Variants in TBCEL observed in about 807,000 individuals in gnomAD.
TBCEL encodes tubulin-specific chaperone cofactor E-like protein.
TBCEL carries 15 observed loss-of-function variants against 44.2 expected under a neutral mutation model. That is an observed-to-expected ratio of 0.34 (90% CI 0.23 to 0.52). The LOEUF is 0.52. Ranked by LOEUF, TBCEL falls within the 20% of genes least tolerant of loss-of-function variation. The pLI, the probability that TBCEL is intolerant of heterozygous loss-of-function variation, is 0.95. For synonymous variants in TBCEL, 171 were observed against 185.4 expected, an observed-to-expected ratio of 0.92 and a Z score of 0.63; for missense variants, 319 against 506.3, an observed-to-expected ratio of 0.63 and a Z score of 3.55.
chr11:121,075,717 G>A (rs981943892), intron 8 of TBCEL, among the ~76,000 whole-genome samples: 3 of 151,822 alleles, frequency 2.0e-5, no homozygotes, highest in South Asian at 4.2e-4. Context: ...TTACACCTAA[G>A]TACAGTCATG....
intron 2 of TBCEL, among the ~76,000 whole-genome samples, chr11:121,045,116 C>G (rs1945405982): frequency 1.3e-5 from 2 of 152,114 alleles, no homozygotes; most frequent in Admixed American, 1.3e-4. Context: ...GTGGCACACT[C>G]TGGTCATCTT....
chr11:121,026,057 A>G (rs960185212), intron 1 of TBCEL, among the ~76,000 whole-genome samples: 1 of 152,184 alleles, frequency 6.6e-6, no homozygotes, highest in Non-Finnish European at 1.5e-5. Context: ...TGCTATTTAA[A>G]AACATCCCAA....
chr11:121,062,081 A>AT (rs569486415), intron 8 of TBCEL, among the ~76,000 whole-genome samples: 29 of 150,208 alleles, frequency 1.9e-4, no homozygotes, highest in Admixed American at 8.0e-4. Flanking sequence ...TACTTTTTAA[A>AT]TTTTTTTTTT....
intron 4 of TBCEL, among the ~76,000 whole-genome samples, chr11:121,052,465 G>A (rs1383391726): frequency 1.3e-5 from 2 of 151,748 alleles, no homozygotes; most frequent in Non-Finnish European, 2.9e-5. Context: ...GGAAGTGTTG[G>A]AACCTCGTTT....
At chr11:121,055,344 T>G in intron 6 of TBCEL, 36 bp downstream of exon 6, 1 of 1,539,574 alleles carries the variant, frequency 6.5e-7, no homozygotes, top group Non-Finnish European at 8.8e-7. Flanking sequence ...TACATGCAAA[T>G]TAACCTGAGC....
intron 8 of TBCEL, among the ~76,000 whole-genome samples, chr11:121,069,037 A>G (rs558291325): frequency 3.3e-5 from 5 of 152,060 alleles, no homozygotes; most frequent in Non-Finnish European, 7.4e-5. Context: ...CTGACACCTT[A>G]TCCGAGATTC....
At chr11:121,068,873 C>A (rs2134985399) in intron 8 of TBCEL, among the ~76,000 whole-genome samples, 2 of 146,402 alleles carry the variant, frequency 1.4e-5, no homozygotes, top group Middle Eastern at 3.6e-3. Flanking sequence ...GGTGACAGAG[C>A]AAGGCTCCGT....
intron 1 of TBCEL, among the ~76,000 whole-genome samples, chr11:121,026,229 T>G (rs1945043734): frequency 6.6e-6 from 1 of 152,226 alleles, no homozygotes; most frequent in Non-Finnish European, 1.5e-5. Context: ...TAAGTATAAC[T>G]TTCAATCAGT....
At chr11:121,073,132 C>T (rs1274486761) in intron 8 of TBCEL, among the ~76,000 whole-genome samples, 2 of 151,752 alleles carry the variant, frequency 1.3e-5, no homozygotes, top group Non-Finnish European at 2.9e-5. Context: ...TATTGTAGGC[C>T]CTTTTCTCTT....
At chr11:121,074,966 C>G (rs146797933) in intron 8 of TBCEL, among the ~76,000 whole-genome samples, 1 of 152,072 alleles carries the variant, frequency 6.6e-6, no homozygotes, top group Non-Finnish European at 1.5e-5. Flanking sequence ...AGTACAGTAT[C>G]ACAACCAGAA....
intron 8 of TBCEL, among the ~76,000 whole-genome samples, chr11:121,063,235 C>T (rs2134970642): frequency 6.6e-6 from 1 of 152,198 alleles, no homozygotes; most frequent in African/African-American, 2.4e-5. Flanking sequence ...CTTGTTTCCT[C>T]TGATCTTGGG....
chr11:121,065,601 T>G (rs1264367312), intron 8 of TBCEL, among the ~76,000 whole-genome samples: 1 of 152,230 alleles, frequency 6.6e-6, no homozygotes, highest in Admixed American at 6.5e-5. Flanking sequence ...AGAAAAAAGA[T>G]CATTTTATTA....
chr11:121,052,964 G>A (rs560510388), intron 4 of TBCEL, among the ~76,000 whole-genome samples: 22 of 151,102 alleles, frequency 1.5e-4, no homozygotes, highest in African/African-American at 2.9e-4. Context: ...TGATAATCTT[G>A]TTTTCCCTTT....
At chr11:121,059,889 C>T (rs1385305739) in intron 7 of TBCEL, 80 bp from the exon 8 acceptor site, 2 of 976,702 alleles carry the variant, frequency 2.0e-6, no homozygotes, top group Admixed American at 2.2e-5. Flanking sequence ...TAAGACTGGG[C>T]CACAAGCCAA....
intron 8 of TBCEL, among the ~76,000 whole-genome samples, chr11:121,079,704 C>T (rs116272037): frequency 0.017 from 2,572 of 152,252 alleles, 77 homozygotes; most frequent in African/African-American, 0.059. Flanking sequence ...TATGATGCCA[C>T]ATCAAAAGTG....
chr11:121,060,753 G>C (rs1281514438), intron 8 of TBCEL, among the ~76,000 whole-genome samples: 1 of 151,920 alleles, frequency 6.6e-6, no homozygotes, highest in Admixed American at 6.6e-5. Context: ...TCTGGGTATT[G>C]ATAACTAGAA....
chr11:121,056,494 A>G lies in TBCEL; in HGVS notation c.712+1186A>G, dbSNP rs191542045. ...CATGAGTTTTCAGTTCATTTAGGTA[A>G]ATACTAAGGAGCATGACTGCTGGAT... On this transcript the variant is annotated intron_variant, in intron 6 of 8. Coordinates refer to ENST00000683345, the MANE Select transcript of TBCEL (RefSeq NM_001363644.2). Among the ~76,000 whole-genome samples, 4 of 151,876 alleles carry G rather than the reference A, an allele frequency of 2.6e-5. No homozygotes were observed. In the East Asian group the frequency reaches 7.8e-4, roughly 29 times the overall value.
intron 1 of TBCEL, among the ~76,000 whole-genome samples, chr11:121,034,531 A>T (rs1945197981): frequency 6.6e-6 from 1 of 152,196 alleles, no homozygotes; most frequent in African/African-American, 2.4e-5. Flanking sequence ...TATTTTTCAT[A>T]TTACAGAAAA....
chr11:121,082,946 G>A lies in TBCEL; in HGVS notation c.957-3832G>A, dbSNP rs75557064. 4.2e-3 allele frequency among the ~76,000 whole-genome samples: 637 copies of A among 152,320 alleles called. 5 individuals carry two copies. Among genetic ancestry groups the A allele is most frequent in the African/African-American group, 0.014 (601 of 41,578 alleles). ...CCTTGACTCTAGAAACAGACTGCTT[G>A]AACTGTGTGATCTAGTCATTTGGAA... On this transcript the variant is annotated intron_variant, in intron 8 of 8. Transcript: ENST00000683345.
Sources: allele counts gnomAD v4.1 joint callset (sites outside exome capture counted in the v4.1 genomes callset), GRCh38; gene constraint gnomAD v4.1.1; transcripts MANE v1.5; gene names NCBI Gene and HGNC (gene_info 2026-07-23, HGNC 2026-07-21).